The following TTC29 variants were observed in gnomAD, a reference collection of about 807,000 sequenced individuals.
The protein encoded by TTC29 is tetratricopeptide repeat protein 29.
In TTC29, 49 loss-of-function variants were observed where a neutral mutation model predicts 58.1. That is an observed-to-expected ratio of 0.84 (90% CI 0.67 to 1.07). The LOEUF (loss-of-function observed/expected upper bound fraction) is 1.07, where lower values mean the gene tolerates loss of function less well. TTC29 is among the 50% of genes least tolerant of loss of function. TTC29 has a pLI of 0.00. For synonymous variants in TTC29, 209 were observed against 196.8 expected (o/e 1.06, Z -0.52); for missense variants, 582 against 555.6 (o/e 1.05, Z -0.48).
At chr4:146,759,018 A>T (rs1299516917) in intron 11 of TTC29, among the ~76,000 whole-genome samples, 3 of 152,144 alleles carry the variant, frequency 2.0e-5, no homozygotes, top group African/African-American at 7.2e-5. Context: ...AAATTGAAAT[A>T]AAAAAATACA....
chr4:146,869,425 T>C (rs1561205024), intron 7 of TTC29, among the ~76,000 whole-genome samples: 1 of 152,186 alleles, frequency 6.6e-6, no homozygotes, highest in Non-Finnish European at 1.5e-5. Flanking sequence ...GCAGAGTTGA[T>C]GATGCCAGTA....
chr4:146,759,206 C>T (rs1359045805), intron 11 of TTC29, among the ~76,000 whole-genome samples: 10 of 152,042 alleles, frequency 6.6e-5, no homozygotes, highest in Admixed American at 5.9e-4. Flanking sequence ...AACACCTTTA[C>T]ACACATAAAC....
At chr4:146,750,605 T>C (rs1386613133) in intron 11 of TTC29, among the ~76,000 whole-genome samples, 3 of 152,126 alleles carry the variant, frequency 2.0e-5, no homozygotes, top group African/African-American at 7.2e-5. Context: ...GGAAGGAGGG[T>C]ATAAGTCTAG....
At chr4:146,760,442 A>C (rs1227268356) in intron 11 of TTC29, among the ~76,000 whole-genome samples, 1 of 151,978 alleles carries the variant, frequency 6.6e-6, no homozygotes, top group Non-Finnish European at 1.5e-5. Context: ...AAAATTCTAA[A>C]ATTCACATGG....
At chr4:146,721,471 A>G (rs1326538671) in intron 11 of TTC29, among the ~76,000 whole-genome samples, 1 of 152,116 alleles carries the variant, frequency 6.6e-6, no homozygotes, top group Admixed American at 6.6e-5. Context: ...AAACTAATAT[A>G]TTTGTCCCTG....
At chr4:146,868,354 C>A (rs141575693) in intron 7 of TTC29, among the ~76,000 whole-genome samples, 2,409 of 152,002 alleles carry the variant, frequency 0.016, 81 homozygotes, top group East Asian at 0.13. Context: ...CACATGTACC[C>A]TAAAACTTAA....
At chr4:146,858,263 A>G (rs895977850) in intron 8 of TTC29, among the ~76,000 whole-genome samples, 1 of 152,224 alleles carries the variant, frequency 6.6e-6, no homozygotes, top group African/African-American at 2.4e-5. Flanking sequence ...CAGCTAGTGC[A>G]TGGCAGACAG....
chr4:146,720,098 A>G (rs970278147), intron 11 of TTC29, among the ~76,000 whole-genome samples: 1 of 152,138 alleles, frequency 6.6e-6, no homozygotes, highest in Non-Finnish European at 1.5e-5. Flanking sequence ...CACTGAGAAA[A>G]TTGATTACAC....
intron 7 of TTC29, among the ~76,000 whole-genome samples, chr4:146,871,741 G>T (rs1434023341): frequency 1.3e-5 from 2 of 151,618 alleles, no homozygotes; most frequent in East Asian, 3.9e-4. Flanking sequence ...AAAAATCATT[G>T]AAAAAAATTA....
intron 11 of TTC29, among the ~76,000 whole-genome samples, chr4:146,727,962 G>T (rs1197627544): frequency 7.9e-5 from 12 of 152,046 alleles, no homozygotes; most frequent in Admixed American, 7.2e-4. Flanking sequence ...AGTACATACG[G>T]AGTTGCTTCA....
intron 8 of TTC29, among the ~76,000 whole-genome samples, chr4:146,866,931 A>G (rs1484490699): frequency 6.6e-6 from 1 of 152,138 alleles, no homozygotes; most frequent in Non-Finnish European, 1.5e-5. Context: ...TGACATTTTT[A>G]TTTGTTTGTT....
At chr4:146,752,595 T>A (rs369270804) in intron 11 of TTC29, among the ~76,000 whole-genome samples, 1 of 151,708 alleles carries the variant, frequency 6.6e-6, no homozygotes, top group Non-Finnish European at 1.5e-5. Context: ...CATTGCCAAG[T>A]CAATCCTAAG....
chr4:146,872,594 C>A (rs952716884), intron 7 of TTC29, among the ~76,000 whole-genome samples: 1 of 151,446 alleles, frequency 6.6e-6, no homozygotes, highest in Non-Finnish European at 1.5e-5. Context: ...AAAACGTCTG[C>A]CGAGAAGATA....
At chr4:146,853,452 G>T (rs992217979) in intron 8 of TTC29, among the ~76,000 whole-genome samples, 5 of 151,438 alleles carry the variant, frequency 3.3e-5, no homozygotes, top group African/African-American at 1.2e-4. Flanking sequence ...AATTTTTATT[G>T]GCTGCATTGT....
intron 10 of TTC29, among the ~76,000 whole-genome samples, chr4:146,810,561 G>A (rs1234820850): frequency 2.7e-5 from 4 of 149,674 alleles, no homozygotes; most frequent in Non-Finnish European, 5.9e-5. Flanking sequence ...GTTGGATTTA[G>A]CTAATGAAAT....
intron 11 of TTC29, chr4:146,763,857 C>T (rs1747092175): frequency 6.6e-6 from 1 of 152,014 alleles, no homozygotes; most frequent in Non-Finnish European, 1.5e-5. Context: ...GTATCTTATT[C>T]CTTTTTCAGG....
At chr4:146,730,285 T>G (rs895280300) in intron 11 of TTC29, among the ~76,000 whole-genome samples, 6 of 152,142 alleles carry the variant, frequency 3.9e-5, no homozygotes, top group African/African-American at 1.2e-4. Context: ...TGGAGGGCAT[T>G]ACCCTAAGTG....
At chr4:146,943,169 C>CTTTTTTTTTTTTTT (rs61184684) in intron 2 of TTC29, among the ~76,000 whole-genome samples, 2 of 59,474 alleles carry the variant, frequency 3.4e-5, no homozygotes, top group African/African-American at 4.6e-5. Flanking sequence ...ATCAACTGTG[C>CTTTTTTTTTTTTTT]TTTTTTTTTT....
rs533676422 is a variant in TTC29 at position 146,869,268 on chromosome 4, C to T, written c.800-1685G>A. 4.6e-5 allele frequency among the ~76,000 whole-genome samples: 7 copies of T among 152,282 alleles called. No individual in the cohort carries two copies. In the South Asian group the frequency reaches 8.3e-4, roughly 18 times the overall value. ...AACAATATTTCTTGCTGCATTCACT[C>T]TCACCACTCACCAAATAACCGCTGC... On this transcript the variant is annotated intron_variant, in intron 7 of 12. Coordinates refer to ENST00000325106, the MANE Select transcript of TTC29 (RefSeq NM_031956.4).
Sources: allele counts gnomAD v4.1 joint callset (sites outside exome capture counted in the v4.1 genomes callset), GRCh38; gene constraint gnomAD v4.1.1; transcripts MANE v1.5; gene names NCBI Gene and HGNC (gene_info 2026-07-23, HGNC 2026-07-21).